The following RIF1 variants were observed in gnomAD, a reference collection of about 807,000 sequenced individuals.
The protein encoded by RIF1 is telomere-associated protein RIF1.
Under a neutral mutation model 247.1 loss-of-function variants are expected in RIF1, and 45 were observed. The ratio of observed to expected loss-of-function variants is 0.18; its 90% CI spans 0.14 to 0.23. The LOEUF is 0.23. RIF1 is among the 10% of genes least tolerant of loss of function. RIF1 has a pLI of 1.00. For synonymous variants in RIF1, 1,087 were observed against 978.8 expected (o/e 1.11, Z -2.06); for missense variants, 2,967 against 2,862.5 (o/e 1.04, Z -0.83).
At chr2:151,466,451 C>T (rs1214255260) in intron 30 of RIF1, among the ~76,000 whole-genome samples, 2 of 152,122 alleles carry the variant, frequency 1.3e-5, no homozygotes, top group Admixed American at 1.3e-4. Flanking sequence ...TTTAGGAATG[C>T]AGGCAACACT....
intron 8 of RIF1, among the ~76,000 whole-genome samples, chr2:151,427,560 A>G (rs947745862): frequency 2.7e-5 from 3 of 110,126 alleles, no homozygotes; most frequent in African/African-American, 1.1e-4. Context: ...CTGAGCTCAT[A>G]TTTTTCTTTT....
chr2:151,429,096 G>A (rs1196350780), intron 9 of RIF1, among the ~76,000 whole-genome samples, 174 bp downstream of exon 9: 1 of 152,132 alleles, frequency 6.6e-6, no homozygotes, highest in African/African-American at 2.4e-5. Flanking sequence ...CACATACTAG[G>A]CATTGGAAAT....
At chr2:151,460,785 T>TTG (rs1253190476) in intron 26 of RIF1, among the ~76,000 whole-genome samples, 4 of 152,264 alleles carry the variant, frequency 2.6e-5, no homozygotes, top group African/African-American at 9.6e-5. Flanking sequence ...GCATTTTGTA[T>TTG]TGGCGACTTT....
chr2:151,414,763 T>G, intron 3 of RIF1, 60 bp from the exon 4 acceptor site: 1 of 1,198,614 alleles, frequency 8.3e-7, no homozygotes, highest in Non-Finnish European at 1.2e-6. Context: ...CAACTTCTGC[T>G]TTCTAAAAAT....
the RIF1 span, chr2:151,531,027 C>T: frequency 1.2e-6 from 2 of 1,613,392 alleles, no homozygotes; most frequent in Non-Finnish European, 1.7e-6. Context: ...TGCGGACATG[C>T]AGCAACATGG....
the RIF1 span, chr2:151,516,563 C>T: frequency 6.3e-7 from 1 of 1,595,056 alleles, no homozygotes; most frequent in Non-Finnish European, 8.6e-7. Flanking sequence ...TTGTATTTCA[C>T]CTGGTGATAG....
At chr2:151,438,879 C>T (rs1012008853) in intron 14 of RIF1, 133 bp downstream of exon 14, 12 of 584,184 alleles carry the variant, frequency 2.1e-5, no homozygotes, top group African/African-American at 2.0e-4. Context: ...CCGTAGCTTC[C>T]AGTTTTTAAT....
the RIF1 span, among the ~76,000 whole-genome samples, chr2:151,532,924 G>A: frequency 6.6e-6 from 1 of 152,066 alleles, no homozygotes; most frequent in African/African-American, 2.4e-5. Context: ...CTGTGTGTGT[G>A]GGATCAGATG....
At chr2:151,510,026 T>A (rs1233988985), downstream of RIF1, among the ~76,000 whole-genome samples, 1 of 152,256 alleles carries the variant, frequency 6.6e-6, no homozygotes, top group Non-Finnish European at 1.5e-5. Context: ...TTTGTGTAAG[T>A]GTTCATTCAT....
At chr2:151,482,523 A>T (rs1002435952), downstream of RIF1, among the ~76,000 whole-genome samples, 1 of 152,180 alleles carries the variant, frequency 6.6e-6, no homozygotes, top group Admixed American at 6.5e-5. Context: ...GAGGCAGTCC[A>T]CATGGTGTGG....
At chr2:151,526,974 CAGAA>C in the RIF1 span, 1 of 1,604,610 alleles carries the variant, frequency 6.2e-7, no homozygotes, top group South Asian at 1.1e-5. Context: ...TCATCAGTGA[CAGAA>C]AGCTTGCAAC....
At chr2:151,416,491 C>G in intron 4 of RIF1, 70 bp from the exon 5 acceptor site, 1 of 1,330,680 alleles carries the variant, frequency 7.5e-7, no homozygotes, top group South Asian at 1.4e-5. Context: ...ATTGTTTTCT[C>G]TAGTTTTATA....
intron 11 of RIF1, among the ~76,000 whole-genome samples, chr2:151,436,095 G>T (rs573133566): frequency 6.6e-6 from 1 of 151,988 alleles, no homozygotes. Context: ...GTGGTCGTGG[G>T]CCCCTGTAAT....
In RIF1 at chr2:151,475,741, GTAT is replaced by G. The variant is rs2048896681; in HGVS notation, c.*672_*674del. 1 of 152,850 alleles carries G rather than the reference GTAT, an allele frequency of 6.5e-6. No homozygotes were observed. Among genetic ancestry groups the G allele is most frequent in the Admixed American group, 6.5e-5 (1 of 15,296 alleles). 9.5% of individuals were successfully genotyped at this position (152,850 alleles called of 1,614,324 possible). A position where few individuals can be genotyped will look rare whatever the true frequency, so the allele number is the denominator to read the frequency against. On this transcript the variant is annotated 3_prime_UTR_variant, in exon 36 of 36. Coordinates refer to ENST00000444746, the MANE Select transcript of RIF1 (RefSeq NM_018151.5). The stretch of plus-strand genomic sequence containing the variant: ...AAAATTTATTCTTATGAGACGTATA[GTAT>G]TCATTTTTAAATGCATGATTGTACA...
chr2:151,464,518 T>G lies in RIF1; in HGVS notation c.4998T>G (p.Ser1666Arg). ...AATATGCAGAATATTCCTTTACAAGTCTACCTGTGCCAGAATCAAATCTAA... is the reference window on the plus strand; with the variant it reads ...AATATGCAGAATATTCCTTTACAAGGCTACCTGTGCCAGAATCAAATCTAA... ...TSKYAEYSFT[S>R]LPVPESNLRT... The change falls in exon 30 of 36, where the codon AGT (serine) becomes AGG (arginine). Residue 1666 changes from serine to arginine, a missense_variant. Ser to Arg is a moderately radical substitution (Grantham distance 110). This residue lies in a region of RIF1 where 2,028 missense variants were observed against 1,825.6 expected (regional missense o/e 1.11). Coordinates refer to ENST00000444746, the MANE Select transcript of RIF1 (RefSeq NM_018151.5). The G allele has an allele frequency of 1.2e-6, 2 of 1,612,188 alleles. No individual in the cohort carries two copies. Among genetic ancestry groups the G allele is most frequent in the Non-Finnish European group, 8.5e-7 (1 of 1,179,378 alleles).
intron 7 of RIF1, among the ~76,000 whole-genome samples, chr2:151,421,242 A>G (rs1001454629): frequency 6.6e-6 from 1 of 152,242 alleles, no homozygotes; most frequent in African/African-American, 2.4e-5. Context: ...AGTGAAGACC[A>G]CTAAGGAGAA....
chr2:151,490,048 G>C lies in RIF1; in HGVS notation c.*416-5181G>C, dbSNP rs1464935262. 1 of 1,611,106 alleles carries C rather than the reference G, an allele frequency of 6.2e-7. No individual in the cohort carries two copies. The highest frequency in any genetic ancestry group is 8.5e-7 in the Non-Finnish European group (1 of 1,179,006). ...GCAACTGAAGATGATCGTTGTTGTG[G>C]GAGCTCTGTGGTTTTTGCATGTTTG... On this transcript the variant is annotated intron_variant and NMD_transcript_variant, in intron 9 of 13. Coordinates refer to the RIF1 transcript ENST00000454583.
chr2:151,411,262 G>A lies in RIF1; in HGVS notation c.107G>A (p.Arg36His). 2 of 1,577,412 alleles carry A rather than the reference G, an allele frequency of 1.3e-6. No homozygotes were observed. Among genetic ancestry groups the A allele is most frequent in the South Asian group, 1.2e-5 (1 of 86,102 alleles). The change falls in exon 3 of 36, where the codon CGT becomes CAT. Residue 36 changes from arginine (R) to histidine (H), a missense_variant and splice_region_variant. This residue lies in a region of RIF1 where 269 missense variants were observed against 288.6 expected (regional missense o/e 0.93). Transcript: ENST00000444746. The stretch of plus-strand genomic sequence containing the variant: ...TTGTGTTCTTCCTGCTTTTTAAGTC[G>A]TATGACTGGAGAAGAAGGAAAAGAA... Reference protein sequence around the residue: ...QTDAYLTLTSRMTGEEGKEVI... With the variant: ...QTDAYLTLTSHMTGEEGKEVI...
At chr2:151,503,521 G>A in intron 12 of RIF1, 1 of 894,354 alleles carries the variant, frequency 1.1e-6, no homozygotes. Flanking sequence ...GGGCTATTTG[G>A]GGGAAACTCA....
Sources: gnomAD v4.1 joint callset for allele counts (sites outside exome capture counted in the v4.1 genomes callset) on GRCh38, gnomAD v4.1.1 for gene constraint, gnomAD v4.1.1 regional missense constraint, MANE v1.5 for transcripts, NCBI Gene and HGNC (gene_info 2026-07-23, HGNC 2026-07-21) for gene names.